TLN2: variants seen among roughly 807,000 people sequenced by gnomAD.
TLN2 encodes the protein talin-2.
In TLN2, 118 loss-of-function variants were observed where a neutral mutation model predicts 294.7. That is an observed-to-expected ratio of 0.40 (90% CI 0.34 to 0.47). The LOEUF (loss-of-function observed/expected upper bound fraction) is 0.47. Among genes scored for constraint, TLN2 ranks in the 20% least tolerant of loss-of-function variants. The pLI, the probability that TLN2 is intolerant of heterozygous loss-of-function variation, is 0.84. For synonymous variants in TLN2, 1,431 were observed against 1,304.5 expected, an observed-to-expected ratio of 1.10 and a Z score of -2.09; for missense variants, 3,083 against 3,282.2, an observed-to-expected ratio of 0.94 and a Z score of 1.48.
chr15:62,439,590 G>C lies in TLN2; in HGVS notation c.-238+48905G>C, dbSNP rs1040924705. 2.7e-4 allele frequency among the ~76,000 whole-genome samples: 41 copies of C among 152,190 alleles called. 1 individual carries two copies. Among genetic ancestry groups the C allele is most frequent in the African/African-American group, 9.9e-4 (41 of 41,444 alleles). ...GGCCTCCCAAAGTGCTTGGATTACA[G>C]GTGTGAGCCACCGTGCGCCTATCTT... is the stretch of plus-strand genomic sequence containing the variant. On this transcript the variant is annotated intron_variant, in intron 1 of 58. Transcript: ENST00000636159.
intron 1 of TLN2, among the ~76,000 whole-genome samples, chr15:62,530,444 G>A (rs1206822169): frequency 4.6e-5 from 7 of 152,084 alleles, no homozygotes; most frequent in Admixed American, 3.3e-4. Flanking sequence ...CACAACCTCC[G>A]CCTTAGGGGT....
At chr15:62,640,887 T>C (rs2050994112) in intron 3 of TLN2, among the ~76,000 whole-genome samples, 1 of 152,134 alleles carries the variant, frequency 6.6e-6, no homozygotes, top group Admixed American at 6.5e-5. Context: ...CTGCAACCAC[T>C]ACCTCCCGGG....
chr15:62,840,662 C>A lies in TLN2; in HGVS notation c.*52C>A. ...AGGGGATGGCCCTGGCTGAACTGGACAGACAGTGTTCCTGAGAGGCTGGGC... is the reference window on the plus strand; with the variant it reads ...AGGGGATGGCCCTGGCTGAACTGGAAAGACAGTGTTCCTGAGAGGCTGGGC... On this transcript the variant is annotated 3_prime_UTR_variant, in exon 59 of 59. Coordinates refer to ENST00000636159, the MANE Select transcript of TLN2 (RefSeq NM_015059.3). The A allele has an allele frequency of 6.3e-7, 1 of 1,585,990 alleles. No individual in the cohort carries two copies. The highest frequency in any genetic ancestry group is 8.6e-7 in the Non-Finnish European group (1 of 1,166,604).
chr15:62,835,392 A>G (rs75758425), intron 55 of TLN2: 17 of 309,416 alleles, frequency 5.5e-5, no homozygotes, highest in Non-Finnish European at 9.1e-5. Flanking sequence ...GCTCCCACAT[A>G]TGAAATGGAG....
chr15:62,638,162 C>T (rs943093835), intron 3 of TLN2: 1 of 167,854 alleles, frequency 6.0e-6, no homozygotes, highest in Admixed American at 5.8e-5. Context: ...TTCAGGCGGT[C>T]CTTTTTTCTT....
intron 2 of TLN2, among the ~76,000 whole-genome samples, chr15:62,592,823 A>T (rs2046188864): frequency 6.6e-6 from 1 of 152,196 alleles, no homozygotes; most frequent in African/African-American, 2.4e-5. Context: ...ACATGCATTC[A>T]TGGATGTGTG....
At chr15:62,612,942 A>G (rs1248540567) in intron 2 of TLN2, among the ~76,000 whole-genome samples, 1 of 152,234 alleles carries the variant, frequency 6.6e-6, no homozygotes, top group Non-Finnish European at 1.5e-5. Flanking sequence ...AATGCCAGAG[A>G]TAGTTCACAG....
chr15:62,402,233 A>G (rs1245414480), intron 1 of TLN2, among the ~76,000 whole-genome samples: 1 of 152,152 alleles, frequency 6.6e-6, no homozygotes, highest in African/African-American at 2.4e-5. Flanking sequence ...CACTAAACTG[A>G]TTTCACTGCC....
At chr15:62,588,687 T>C (rs1437525411) in intron 1 of TLN2, among the ~76,000 whole-genome samples, 3 of 137,204 alleles carry the variant, frequency 2.2e-5, no homozygotes, top group Middle Eastern at 3.6e-3. Context: ...TATATATATA[T>C]ATATATATAT....
At chr15:62,447,313 A>G (rs905628567) in intron 1 of TLN2, among the ~76,000 whole-genome samples, 11 of 151,996 alleles carry the variant, frequency 7.2e-5, no homozygotes, top group African/African-American at 2.7e-4. Context: ...TTTACGAGGT[A>G]GTGGGTCCAG....
At chr15:62,503,319 AACC>A (rs898948244) in intron 1 of TLN2, among the ~76,000 whole-genome samples, 2 of 152,230 alleles carry the variant, frequency 1.3e-5, no homozygotes, top group Non-Finnish European at 2.9e-5. Flanking sequence ...GATCTGAACT[AACC>A]ACGTGCAGAT....
chr15:62,654,164 C>T (rs1005251085), intron 7 of TLN2, among the ~76,000 whole-genome samples: 2 of 152,070 alleles, frequency 1.3e-5, no homozygotes, highest in African/African-American at 2.4e-5. Context: ...TGTCTTTTTG[C>T]AGTTTTTGTG....
At chr15:62,616,387 C>G (rs553932030) in intron 2 of TLN2, among the ~76,000 whole-genome samples, 269 of 152,316 alleles carry the variant, frequency 1.8e-3, no homozygotes, top group African/African-American at 6.3e-3. Context: ...AAGTTTCCAT[C>G]TTTTCAACAT....
intron 1 of TLN2, chr15:62,453,876 T>C (rs1171059964): frequency 6.5e-6 from 1 of 153,164 alleles, no homozygotes; most frequent in African/African-American, 2.4e-5. Flanking sequence ...CATAAAATGA[T>C]AGTTCTCAGG....
intron 1 of TLN2, among the ~76,000 whole-genome samples, chr15:62,434,123 GTGAAAAGTAACTT>G (rs2035166756): frequency 6.6e-6 from 1 of 152,086 alleles, no homozygotes; most frequent in Admixed American, 6.5e-5. Flanking sequence ...GAGGCATGCA[GTGAAAAGTAACTT>G]TGCTCCAATC....
intron 21 of TLN2, among the ~76,000 whole-genome samples, chr15:62,711,634 CTT>C (rs1234204270): frequency 6.6e-6 from 1 of 152,216 alleles, no homozygotes; most frequent in Non-Finnish European, 1.5e-5. Context: ...CCTGCCCTCT[CTT>C]TATAGTGTTC....
chr15:62,781,291 A>T, intron 44 of TLN2, 50 bp downstream of exon 44: 1 of 1,440,372 alleles, frequency 6.9e-7, no homozygotes, highest in Non-Finnish European at 9.7e-7. Flanking sequence ...CTTTTTATCC[A>T]CTGCCGCCGC....
rs749934405 is a variant in TLN2 at position 62,792,722 on chromosome 15, G to A, written c.5818G>A (p.Val1940Ile). The A allele has an allele frequency of 1.2e-6, 2 of 1,614,086 alleles. No individual in the cohort carries two copies. Among genetic ancestry groups the A allele is most frequent in the African/African-American group, 2.7e-5 (2 of 75,046 alleles). Residue 1940 changes from valine (V) to isoleucine (I), a missense_variant, in exon 46 of 59, where the codon GTC (valine) becomes ATC (isoleucine). Coordinates refer to ENST00000636159, the MANE Select transcript of TLN2 (RefSeq NM_015059.3). ...FLVQKAGALQ[V>I]CPTDSYTKRE... ...GGTGCAGAAGGCAGGGGCCCTCCAG[G>A]TCTGCCCCACAGACAGCTACACCAA...
At chr15:62,706,113 A>T (rs1037348207) in intron 19 of TLN2, among the ~76,000 whole-genome samples, 24 of 152,272 alleles carry the variant, frequency 1.6e-4, no homozygotes, top group African/African-American at 5.8e-4. Context: ...TCATCTGATG[A>T]ATTAATAAAG....
Sources: gnomAD v4.1 joint callset for allele counts (sites outside exome capture counted in the v4.1 genomes callset) on GRCh38, gnomAD v4.1.1 for gene constraint, MANE v1.5 for transcripts, NCBI Gene and HGNC (gene_info 2026-07-23, HGNC 2026-07-21) for gene names.